The following FBXO11 variants were observed in gnomAD, a reference collection of about 807,000 sequenced individuals.
FBXO11 encodes F-box only protein 11.
A neutral mutation model predicts 117.0 loss-of-function variants in FBXO11; 13 were observed. That is an observed-to-expected ratio of 0.11 (90% CI 0.07 to 0.18). FBXO11 has a LOEUF of 0.18. Ranked by LOEUF, FBXO11 falls within the 10% of genes least tolerant of loss-of-function variation. The pLI is 1.00. For missense variants in FBXO11, 767 were observed against 1,164.4 expected (o/e 0.66, Z 4.97); for synonymous variants, 490 against 380.5 (o/e 1.29, Z -3.35).
At chr2:47,814,051 A>G (rs906679655) in intron 16 of FBXO11, 184 bp from the exon 17 acceptor site, 6 of 527,628 alleles carry the variant, frequency 1.1e-5, no homozygotes, top group Non-Finnish European at 2.1e-5. Flanking sequence ...TTCCCACAGA[A>G]CATACTTTAC....
At chr2:47,848,388 C>T (rs1020787626) in intron 1 of FBXO11, among the ~76,000 whole-genome samples, 3 of 152,106 alleles carry the variant, frequency 2.0e-5, no homozygotes, top group African/African-American at 7.2e-5. Flanking sequence ...TTGTGCACTT[C>T]TTATGAGAAT....
chr2:47,863,350 GAATTA>G, intron 1 of FBXO11, among the ~76,000 whole-genome samples: 1 of 152,186 alleles, frequency 6.6e-6, no homozygotes, highest in East Asian at 1.9e-4. Flanking sequence ...CAGAGAAACA[GAATTA>G]AATAAAAATA....
chr2:47,878,369 T>C (rs1000067880), intron 1 of FBXO11, among the ~76,000 whole-genome samples: 4 of 152,008 alleles, frequency 2.6e-5, no homozygotes, highest in Non-Finnish European at 4.4e-5. Flanking sequence ...TTTTTTTTTC[T>C]TTTTTTAAGA....
Position 47,874,524 on chromosome 2 carries a change from G to A in FBXO11, c.232+30965C>T, listed in dbSNP as rs186500319. 6.2e-4 allele frequency among the ~76,000 whole-genome samples: 94 copies of A among 151,786 alleles called. 2 individuals are homozygous for A. In the South Asian group the frequency reaches 7.3e-3, roughly 12 times the overall value. ...TAAGTAAGTTTAACACACAAACACC[G>A]TACAAAATTTAAAAAAAAAAACAAT... is the stretch of plus-strand genomic sequence containing the variant. On this transcript the variant is annotated intron_variant, in intron 1 of 22. Coordinates refer to ENST00000403359, the MANE Select transcript of FBXO11 (RefSeq NM_001190274.2).
intron 1 of FBXO11, among the ~76,000 whole-genome samples, chr2:47,879,389 G>A (rs961185872): frequency 6.6e-6 from 1 of 152,190 alleles, no homozygotes. Flanking sequence ...AGCAGTGTAT[G>A]AGCAGCTTTT....
Position 47,891,233 on chromosome 2 carries a change from C to T in FBXO11, c.232+14256G>A, listed in dbSNP as rs568812145. The stretch of plus-strand genomic sequence containing the variant: ...ACAATACTGTATGGCGGAACTTATT[C>T]ATCCTGCTTAACTGAAACTTCATGC... On this transcript the variant is annotated intron_variant, in intron 1 of 22. Transcript: ENST00000403359. 5.3e-5 allele frequency among the ~76,000 whole-genome samples: 8 copies of T among 152,276 alleles called. No individual in the cohort carries two copies. In the East Asian group the frequency reaches 1.5e-3, roughly 29 times the overall value.
At chr2:47,869,433 G>C (rs1052115911) in intron 1 of FBXO11, among the ~76,000 whole-genome samples, 5 of 152,184 alleles carry the variant, frequency 3.3e-5, no homozygotes, top group African/African-American at 1.2e-4. Flanking sequence ...TACAATGAAG[G>C]AAAGGAAAAG....
intron 1 of FBXO11, among the ~76,000 whole-genome samples, chr2:47,881,042 C>G (rs1425434051): frequency 6.6e-6 from 1 of 152,154 alleles, no homozygotes; most frequent in African/African-American, 2.4e-5. Flanking sequence ...ATCACAAAGT[C>G]AGGAGTTCAA....
chr2:47,900,133 T>A (rs72876865), intron 1 of FBXO11, among the ~76,000 whole-genome samples: 1,934 of 152,218 alleles, frequency 0.013, 46 homozygotes, highest in African/African-American at 0.043. Flanking sequence ...AGCAGAGCTC[T>A]TAGGCCTCAT....
chr2:47,858,848 G>C (rs1006716467), intron 1 of FBXO11, among the ~76,000 whole-genome samples: 1 of 150,994 alleles, frequency 6.6e-6, no homozygotes, highest in Non-Finnish European at 1.5e-5. Context: ...TTCAAGACCA[G>C]GTCAACATGG....
intron 1 of FBXO11, among the ~76,000 whole-genome samples, chr2:47,894,707 CTTAAAA>C (rs1352681452): frequency 4.6e-5 from 7 of 152,242 alleles, no homozygotes; most frequent in Middle Eastern, 3.4e-3. Flanking sequence ...CTTGCAAAAA[CTTAAAA>C]TTAAAAGAAC....
At chr2:47,882,546 T>G (rs1463470580) in intron 1 of FBXO11, among the ~76,000 whole-genome samples, 1 of 152,234 alleles carries the variant, frequency 6.6e-6, no homozygotes, top group Non-Finnish European at 1.5e-5. Flanking sequence ...TTTCTAAAAC[T>G]TAAAAAAATA....
At chr2:47,815,061 G>A (rs776791424) in intron 16 of FBXO11, among the ~76,000 whole-genome samples, 11 of 152,060 alleles carry the variant, frequency 7.2e-5, no homozygotes, top group Non-Finnish European at 1.3e-4. Context: ...TTTCTACCAC[G>A]TCTGGAATTA....
intron 1 of FBXO11, 151 bp downstream of exon 1, chr2:47,905,338 T>A: frequency 3.8e-6 from 3 of 783,558 alleles, no homozygotes; most frequent in East Asian, 5.9e-5. Context: ...GGGCTGACAC[T>A]GCGGCACCGG....
At chr2:47,829,430 A>G (rs1307270321) in intron 11 of FBXO11, among the ~76,000 whole-genome samples, 1 of 151,956 alleles carries the variant, frequency 6.6e-6, no homozygotes, top group Non-Finnish European at 1.5e-5. Flanking sequence ...TAGTAGAGAC[A>G]GGGTTTCACC....
At chr2:47,816,613 T>C (rs962770620) in intron 16 of FBXO11, among the ~76,000 whole-genome samples, 11 of 152,010 alleles carry the variant, frequency 7.2e-5, no homozygotes, top group African/African-American at 2.7e-4. Flanking sequence ...ATTTCTTACA[T>C]ACAAAGACTT....
At chr2:47,819,491 G>C (rs1671231143) in intron 14 of FBXO11, among the ~76,000 whole-genome samples, 1 of 152,192 alleles carries the variant, frequency 6.6e-6, no homozygotes. Flanking sequence ...TGGGATTACA[G>C]GTGTGAGCCA....
At chr2:47,886,854 T>C (rs1676890266) in intron 1 of FBXO11, among the ~76,000 whole-genome samples, 1 of 151,982 alleles carries the variant, frequency 6.6e-6, no homozygotes, top group Non-Finnish European at 1.5e-5. Context: ...TGCAACACAA[T>C]GAGACCCCTG....
At chr2:47,819,741 AATG>A (rs1043038459) in intron 14 of FBXO11, among the ~76,000 whole-genome samples, 42 of 152,122 alleles carry the variant, frequency 2.8e-4, no homozygotes. Flanking sequence ...ATCAATTCAA[AATG>A]ATATGGCTTC....
Sources: gnomAD v4.1 joint callset for allele counts (sites outside exome capture counted in the v4.1 genomes callset) on GRCh38, gnomAD v4.1.1 for gene constraint, MANE v1.5 for transcripts, NCBI Gene and HGNC (gene_info 2026-07-23, HGNC 2026-07-21) for gene names.